Variants in CSMD1 observed in about 807,000 individuals in gnomAD.
CSMD1 encodes CUB and sushi domain-containing protein 1.
A neutral mutation model predicts 417.5 loss-of-function variants in CSMD1; 213 were observed. The observed-to-expected ratio is 0.51, with a 90% CI of 0.46 to 0.57. The LOEUF (loss-of-function observed/expected upper bound fraction) is 0.57. CSMD1 is among the 20% of genes least tolerant of loss of function. The probability of loss-of-function intolerance (pLI) is 0.00; values close to 1 mark genes in which losing one functional copy is unlikely to be tolerated. For missense variants in CSMD1, 6,923 were observed against 4,529.7 expected, an observed-to-expected ratio of 1.53 and a Z score of -15.17; for synonymous variants, 2,862 against 1,736.8, an observed-to-expected ratio of 1.65 and a Z score of -16.11.
chr8:4,108,931 C>T (rs1361827079), intron 3 of CSMD1, among the ~76,000 whole-genome samples: 8 of 152,268 alleles, frequency 5.3e-5, no homozygotes, highest in East Asian at 1.9e-4. Flanking sequence ...AAAATTCCAT[C>T]GCCTTAGAAA....
chr8:4,401,054 G>C (rs1224111080), intron 3 of CSMD1, among the ~76,000 whole-genome samples: 2 of 152,066 alleles, frequency 1.3e-5, no homozygotes, highest in Non-Finnish European at 2.9e-5. Context: ...CATGCAATAT[G>C]ATATACTTGA....
At chr8:3,467,640 T>A (rs1816857665) in intron 12 of CSMD1, among the ~76,000 whole-genome samples, 1 of 152,166 alleles carries the variant, frequency 6.6e-6, no homozygotes, top group African/African-American at 2.4e-5. Flanking sequence ...TAGATGAGGA[T>A]ACTCCGGGGT....
intron 23 of CSMD1, among the ~76,000 whole-genome samples, chr8:3,318,132 C>A (rs538294556): frequency 6.6e-6 from 1 of 152,194 alleles, no homozygotes. Flanking sequence ...ATTATGATTT[C>A]TTTCCTGATG....
chr8:3,703,091 A>G (rs1800957905), intron 7 of CSMD1, among the ~76,000 whole-genome samples: 1 of 152,196 alleles, frequency 6.6e-6, no homozygotes, highest in Non-Finnish European at 1.5e-5. Flanking sequence ...GATATTAATG[A>G]CTATCTTAAT....
chr8:4,965,513 G>A (rs371768986), intron 1 of CSMD1, among the ~76,000 whole-genome samples: 5 of 152,156 alleles, frequency 3.3e-5, no homozygotes, highest in Non-Finnish European at 7.3e-5. Context: ...GCTTCACTTC[G>A]CAATGGGGCA....
intron 1 of CSMD1, among the ~76,000 whole-genome samples, chr8:4,745,775 T>G (rs575725650): frequency 6.6e-6 from 1 of 152,282 alleles, no homozygotes; most frequent in South Asian, 2.1e-4. Context: ...GAACACGCAT[T>G]TTTGAACTTC....
chr8:3,644,894 G>C (rs988189551), intron 7 of CSMD1, among the ~76,000 whole-genome samples: 8 of 133,142 alleles, frequency 6.0e-5, no homozygotes, highest in East Asian at 2.2e-4. Flanking sequence ...GCAGTGATTA[G>C]ACAAAACACT....
At chr8:3,275,820 A>T (rs1259396610) in intron 26 of CSMD1, among the ~76,000 whole-genome samples, 1 of 151,996 alleles carries the variant, frequency 6.6e-6, no homozygotes, top group Non-Finnish European at 1.5e-5. Flanking sequence ...TATTCTAGTT[A>T]TACATTCTTC....
At chr8:3,373,287 C>G (rs1810090339) in intron 18 of CSMD1, 1 of 152,088 alleles carries the variant, frequency 6.6e-6, no homozygotes, top group Non-Finnish European at 1.5e-5. Flanking sequence ...TTGATGTTTT[C>G]CCTCCATACC....
chr8:4,247,712 AC>A, intron 3 of CSMD1, among the ~76,000 whole-genome samples: 1 of 152,268 alleles, frequency 6.6e-6, no homozygotes, highest in African/African-American at 2.4e-5. Flanking sequence ...TGGTACACAT[AC>A]TATAACGCCC....
chr8:4,780,918 T>C (rs949707634), intron 1 of CSMD1, among the ~76,000 whole-genome samples: 1 of 152,224 alleles, frequency 6.6e-6, no homozygotes. Context: ...ATTGTAATTA[T>C]TTTTTAAAAG....
chr8:3,875,514 G>A (rs1336536807), intron 5 of CSMD1, among the ~76,000 whole-genome samples: 8 of 152,122 alleles, frequency 5.3e-5, no homozygotes, highest in Admixed American at 3.9e-4. Context: ...TGGAGAAAAG[G>A]GGAGGAAGCA....
intron 3 of CSMD1, among the ~76,000 whole-genome samples, chr8:4,238,942 C>G (rs932727436): frequency 1.3e-5 from 2 of 152,174 alleles, no homozygotes; most frequent in African/African-American, 4.8e-5. Context: ...ATTTTCTACC[C>G]TGTTCTTCTG....
chr8:3,260,451 C>T (rs188703283), intron 26 of CSMD1, among the ~76,000 whole-genome samples: 40 of 152,094 alleles, frequency 2.6e-4, no homozygotes, highest in Admixed American at 1.7e-3. Context: ...ATCAACTCAG[C>T]CCAGACTCCA....
At chr8:4,832,610 G>C (rs1391307303) in intron 1 of CSMD1, among the ~76,000 whole-genome samples, 1 of 152,126 alleles carries the variant, frequency 6.6e-6, no homozygotes, top group Non-Finnish European at 1.5e-5. Context: ...CTGACACTTA[G>C]GGATTATAGT....
intron 5 of CSMD1, among the ~76,000 whole-genome samples, chr8:3,856,117 C>T (rs2129102825): frequency 6.6e-6 from 1 of 152,080 alleles, no homozygotes; most frequent in South Asian, 2.1e-4. Flanking sequence ...ATTCCCAGTG[C>T]TGGAGACGGG....
intron 54 of CSMD1, among the ~76,000 whole-genome samples, chr8:2,988,604 G>A (rs1381958614): frequency 6.6e-6 from 1 of 152,108 alleles, no homozygotes; most frequent in Admixed American, 6.5e-5. Flanking sequence ...AAATAAACCT[G>A]AAGATGCTTG....
At chr8:3,170,820 T>A (rs1820539477) in intron 37 of CSMD1, among the ~76,000 whole-genome samples, 2 of 152,208 alleles carry the variant, frequency 1.3e-5, no homozygotes, top group Admixed American at 1.3e-4. Context: ...TACCCCTGAT[T>A]TCTTTAAAGC....
chr8:4,397,198 A>G (rs1324883460), intron 3 of CSMD1, among the ~76,000 whole-genome samples: 1 of 152,082 alleles, frequency 6.6e-6, no homozygotes, highest in Non-Finnish European at 1.5e-5. Context: ...GTTTGATCCT[A>G]TTTTAAAAAA....
Sources: gnomAD v4.1 joint callset for allele counts (sites outside exome capture counted in the v4.1 genomes callset) on GRCh38, gnomAD v4.1.1 for gene constraint, MANE v1.5 for transcripts, NCBI Gene and HGNC (gene_info 2026-07-23, HGNC 2026-07-21) for gene names.